Variants in HS6ST3 observed in about 807,000 individuals in gnomAD.
The protein encoded by HS6ST3 is heparan sulfate 6-O-sulfotransferase 3.
In HS6ST3, 12 loss-of-function variants were observed where a neutral mutation model predicts 36.7. The observed-to-expected ratio is 0.33, with a 90% CI of 0.21 to 0.53. The LOEUF is 0.53. HS6ST3 is among the 20% of genes least tolerant of loss of function. The probability of loss-of-function intolerance (pLI) is 0.95; values close to 1 mark genes in which losing one functional copy is unlikely to be tolerated. For missense variants in HS6ST3, 584 were observed against 640.9 expected (o/e 0.91, Z 0.96); for synonymous variants, 240 against 257.5 (o/e 0.93, Z 0.65).
chr13:96,321,823 A>T (rs2055004344), intron 1 of HS6ST3, among the ~76,000 whole-genome samples: 1 of 152,134 alleles, frequency 6.6e-6, no homozygotes, highest in African/African-American at 2.4e-5. Context: ...AAAATAGACA[A>T]CCATGCTGGT....
At chr13:96,573,531 A>T (rs1328148553) in intron 1 of HS6ST3, 1 of 179,360 alleles carries the variant, frequency 5.6e-6, no homozygotes, top group Non-Finnish European at 1.1e-5. Context: ...TCAGAAATAA[A>T]ATAGCTCCCC....
At position 96,091,009 on chromosome 13, in the gene HS6ST3, C is replaced by T. The variant is rs757828709; in HGVS notation, c.147C>T (p.Pro49=). 2 of 1,288,310 alleles carry T rather than the reference C, an allele frequency of 1.6e-6. No individual in the cohort carries two copies. Among genetic ancestry groups the T allele is most frequent in the Non-Finnish European group, 2.0e-6 (2 of 1,013,738 alleles). The allele number at this position is 1,288,310 out of a possible 1,614,324, so 79.8% of individuals were successfully genotyped here. Residue 49 remains proline (P), a synonymous_variant, in exon 1 of 2, where the codon CCC becomes CCT. Coordinates refer to ENST00000376705, the MANE Select transcript of HS6ST3 (RefSeq NM_153456.4). The part of the protein sequence containing the change: ...EQPRAGEAGP[P]AVPGPARRAQ... The stretch of plus-strand genomic sequence containing the variant: ...CCCGCGCGGGGGAGGCCGGCCCGCC[C>T]GCCGTCCCGGGTCCCGCCCGCCGGG...
At chr13:96,751,417 GA>G (rs1279304432) in intron 1 of HS6ST3, among the ~76,000 whole-genome samples, 1 of 152,108 alleles carries the variant, frequency 6.6e-6, no homozygotes. Context: ...AGAGCCACCA[GA>G]AACTGGAAAG....
chr13:96,666,510 T>G (rs1330452946), intron 1 of HS6ST3, among the ~76,000 whole-genome samples: 3 of 152,154 alleles, frequency 2.0e-5, no homozygotes, highest in African/African-American at 7.2e-5. Flanking sequence ...TTAAGATTAT[T>G]ATACTATTAT....
chr13:96,639,634 T>C (rs532456221), intron 1 of HS6ST3, among the ~76,000 whole-genome samples: 3 of 151,972 alleles, frequency 2.0e-5, no homozygotes, highest in Non-Finnish European at 4.4e-5. Context: ...TGGGGTATGA[T>C]TGATCCTGTC....
At chr13:96,398,470 A>G (rs1440573029) in intron 1 of HS6ST3, among the ~76,000 whole-genome samples, 1 of 152,000 alleles carries the variant, frequency 6.6e-6, no homozygotes, top group Non-Finnish European at 1.5e-5. Context: ...TTTAGTAGAG[A>G]TGGGGTTTTG....
At position 96,837,928 on chromosome 13, in the gene HS6ST3, C is replaced by G. The variant is rs1251462119; in HGVS notation, c.*4730C>G. On this transcript the variant is annotated 3_prime_UTR_variant, in exon 2 of 2. Coordinates refer to ENST00000376705, the MANE Select transcript of HS6ST3 (RefSeq NM_153456.4). ...TACTTTGTCAGCAACATACTGCTTT[C>G]ATTCTTAAAGGTTTCATTGGCTGTT... 6.6e-6 allele frequency: 1 copy of G among 151,686 alleles called. No individual in the cohort carries two copies. The allele number at this position is 151,686 out of a possible 1,614,324, so 9.4% of individuals were successfully genotyped here.
intron 1 of HS6ST3, among the ~76,000 whole-genome samples, chr13:96,816,033 T>C (rs762335742): frequency 6.6e-6 from 1 of 152,186 alleles, no homozygotes; most frequent in African/African-American, 2.4e-5. Context: ...AGCCCTAGAC[T>C]AAATTTAAAT....
intron 1 of HS6ST3, among the ~76,000 whole-genome samples, chr13:96,484,410 G>A (rs1481687795): frequency 3.9e-5 from 6 of 151,992 alleles, no homozygotes; most frequent in Admixed American, 2.6e-4. Flanking sequence ...ATATAATGCA[G>A]TATTGTTAAC....
chr13:96,498,075 T>G (rs903926999), intron 1 of HS6ST3, among the ~76,000 whole-genome samples: 1 of 151,982 alleles, frequency 6.6e-6, no homozygotes, highest in Non-Finnish European at 1.5e-5. Flanking sequence ...AGAAAATGAT[T>G]TTGGGGGGAT....
chr13:96,524,801 C>G (rs972210451), intron 1 of HS6ST3, among the ~76,000 whole-genome samples: 12 of 152,218 alleles, frequency 7.9e-5, no homozygotes, highest in African/African-American at 2.9e-4. Context: ...CCCCAGATCC[C>G]TTGTGCTTCC....
chr13:96,337,130 A>G (rs560868582), intron 1 of HS6ST3, among the ~76,000 whole-genome samples: 12 of 152,168 alleles, frequency 7.9e-5, no homozygotes, highest in Admixed American at 3.3e-4. Context: ...GCAGTGGCCA[A>G]TCTCTGCTCA....
At chr13:96,279,429 T>C (rs1162029952) in intron 1 of HS6ST3, among the ~76,000 whole-genome samples, 1 of 152,310 alleles carries the variant, frequency 6.6e-6, no homozygotes, top group African/African-American at 2.4e-5. Flanking sequence ...TAGGAGAATA[T>C]AGACGTTAAA....
At chr13:96,246,248 G>A (rs970899146) in intron 1 of HS6ST3, among the ~76,000 whole-genome samples, 1 of 152,094 alleles carries the variant, frequency 6.6e-6, no homozygotes, top group African/African-American at 2.4e-5. Context: ...CACAGCCAGT[G>A]TAGCCAACCA....
chr13:96,549,463 TG>T (rs2056210579), intron 1 of HS6ST3, among the ~76,000 whole-genome samples: 1 of 152,198 alleles, frequency 6.6e-6, no homozygotes, highest in Non-Finnish European at 1.5e-5. Context: ...GGGACAGCTG[TG>T]GCTCTGATTT....
chr13:96,136,601 G>A (rs1049573497), intron 1 of HS6ST3, among the ~76,000 whole-genome samples: 4 of 151,182 alleles, frequency 2.6e-5, no homozygotes, highest in Non-Finnish European at 5.9e-5. Flanking sequence ...CAACACTGGG[G>A]ATTATAGTTC....
intron 1 of HS6ST3, among the ~76,000 whole-genome samples, chr13:96,360,910 T>C (rs952338339): frequency 1.4e-5 from 2 of 144,444 alleles, no homozygotes; most frequent in Non-Finnish European, 3.0e-5. Context: ...CTTGCCACTG[T>C]ACTCCAGCCT....
chr13:96,743,788 T>C (rs1876496730), intron 1 of HS6ST3, among the ~76,000 whole-genome samples: 1 of 152,100 alleles, frequency 6.6e-6, no homozygotes, highest in African/African-American at 2.4e-5. Context: ...TTTATCAATC[T>C]GGTGCTTGAA....
chr13:96,287,401 G>C (rs932951116), intron 1 of HS6ST3, among the ~76,000 whole-genome samples: 1 of 151,960 alleles, frequency 6.6e-6, no homozygotes, highest in African/African-American at 2.4e-5. Context: ...TAGCTTTTTA[G>C]AGCTATTTTA....
Sources: allele counts gnomAD v4.1 joint callset (sites outside exome capture counted in the v4.1 genomes callset), GRCh38; gene constraint gnomAD v4.1.1; transcripts MANE v1.5; gene names NCBI Gene and HGNC (gene_info 2026-07-23, HGNC 2026-07-21).